The following PCDHA4 variants were observed in gnomAD, a reference collection of about 807,000 sequenced individuals.
PCDHA4 encodes the protein protocadherin alpha 4.
PCDHA4 carries 49 observed loss-of-function variants against 61.4 expected under a neutral mutation model. The ratio of observed to expected loss-of-function variants is 0.80; its 90% CI spans 0.63 to 1.01. The LOEUF (loss-of-function observed/expected upper bound fraction) is 1.01. PCDHA4 is among the 50% of genes least tolerant of loss of function. The probability of loss-of-function intolerance (pLI) is 0.00; values close to 1 mark genes in which losing one functional copy is unlikely to be tolerated. For missense variants in PCDHA4, 1,254 were observed against 1,235.8 expected, an observed-to-expected ratio of 1.01 and a Z score of -0.22; for synonymous variants, 590 against 550.3, an observed-to-expected ratio of 1.07 and a Z score of -1.01.
chr5:140,969,781 A>G (rs1017019880), intron 1 of PCDHA4, among the ~76,000 whole-genome samples: 3 of 152,336 alleles, frequency 2.0e-5, no homozygotes, highest in East Asian at 1.9e-4. Flanking sequence ...AGGGGCTATC[A>G]TAGTCACCAC....
intron 1 of PCDHA4, chr5:140,850,107 C>G (rs2150467518): frequency 6.3e-7 from 1 of 1,596,166 alleles, no homozygotes; most frequent in East Asian, 2.2e-5. Context: ...GGTGAGCGCG[C>G]GCGACGCGGG....
intron 1 of PCDHA4, among the ~76,000 whole-genome samples, chr5:140,819,573 A>C (rs1194033373): frequency 6.6e-6 from 1 of 152,184 alleles, no homozygotes; most frequent in Non-Finnish European, 1.5e-5. Context: ...GCTTAGAAGA[A>C]GATTTTTTAA....
chr5:140,941,191 T>TTTTTCTTTCTTTC lies in PCDHA4; in HGVS notation c.2386-37755_2386-37754insTCTTTCTTTCTTT, dbSNP rs1554213809. On this transcript the variant is annotated intron_variant, in intron 1 of 3. Transcript: ENST00000530339. ...CATCTTGAACATCCTGCTTCTTTTT[T>TTTTTCTTTCTTTC]TTTCTTTCTTCCTTTCTTTCTTCCT... Among the ~76,000 whole-genome samples the TTTTTCTTTCTTTC allele has an allele frequency of 1.3e-4, 12 of 93,256 alleles. No individual in the cohort carries two copies. In the East Asian group the frequency reaches 2.9e-3, roughly 23 times the overall value. 61.2% of individuals were successfully genotyped at this position (93,256 alleles called of 152,430 possible). A position where few individuals can be genotyped will look rare whatever the true frequency, so the allele number is the denominator to read the frequency against.
At chr5:140,915,772 G>A (rs1282338375) in intron 1 of PCDHA4, among the ~76,000 whole-genome samples, 1 of 151,950 alleles carries the variant, frequency 6.6e-6, no homozygotes, top group East Asian at 1.9e-4. Flanking sequence ...CTTGTCCAAG[G>A]CCTGCTGTAA....
rs2150130376 is a variant in PCDHA4 at position 140,823,924 on chromosome 5, TAC to T, written c.2385+14355_2385+14356del. On this transcript the variant is annotated intron_variant, in intron 1 of 3. Transcript: ENST00000530339. ...CCTGCTGGTGCTCACGCTGCTGCTG[TAC>T]ACCGCGCTGCGGTGCTCGGCGCAGC... 1.8e-5 allele frequency: 29 copies of T among 1,613,852 alleles called. No homozygotes were observed. The Admixed American group carries it at 4.8e-4, about 27-fold the overall frequency.
chr5:140,982,722 T>G, intron 3 of PCDHA4, 159 bp downstream of exon 3: 1 of 913,304 alleles, frequency 1.1e-6, no homozygotes, highest in African/African-American at 1.8e-5. Flanking sequence ...TATGATTATT[T>G]TGATTTTATA....
At chr5:140,823,740 GC>G in intron 1 of PCDHA4, 1 of 1,613,846 alleles carries the variant, frequency 6.2e-7, no homozygotes, top group Non-Finnish European at 8.5e-7. Flanking sequence ...ACCATGGAGA[GC>G]CCCCGCTGAC....
intron 1 of PCDHA4, among the ~76,000 whole-genome samples, chr5:140,905,903 G>A (rs2072195312): frequency 6.6e-6 from 1 of 152,184 alleles, no homozygotes; most frequent in African/African-American, 2.4e-5. Flanking sequence ...AAGCTGAGGA[G>A]CAAGGAATCC....
At chr5:140,815,995 C>T (rs1246800642) in intron 1 of PCDHA4, 1 of 152,110 alleles carries the variant, frequency 6.6e-6, no homozygotes, top group Non-Finnish European at 1.5e-5. Flanking sequence ...TTTTCTTTTG[C>T]TGCTTTCTAA....
At chr5:140,975,553 G>T (rs990389718) in intron 1 of PCDHA4, among the ~76,000 whole-genome samples, 2 of 152,226 alleles carry the variant, frequency 1.3e-5, no homozygotes, top group Non-Finnish European at 2.9e-5. Context: ...TATTAGGAAG[G>T]AAAAGGAGAT....
chr5:140,928,697 G>A (rs1554206190), intron 1 of PCDHA4: 1 of 1,614,122 alleles, frequency 6.2e-7, no homozygotes, highest in Non-Finnish European at 8.5e-7. Context: ...CACATCTCCC[G>A]GGCGTCTGAC....
At chr5:140,836,744 T>A in intron 1 of PCDHA4, 1 of 1,588,470 alleles carries the variant, frequency 6.3e-7, no homozygotes, top group Non-Finnish European at 8.5e-7. Context: ...ACAATGTGAG[T>A]CATAAATAAT....
At chr5:140,915,732 G>A (rs1454734995) in intron 1 of PCDHA4, among the ~76,000 whole-genome samples, 2 of 151,870 alleles carry the variant, frequency 1.3e-5, no homozygotes, top group East Asian at 3.9e-4. Flanking sequence ...ATTGTGCTGG[G>A]TCAGACCTAT....
chr5:140,835,781 G>C (rs1447627598), intron 1 of PCDHA4: 3 of 1,613,162 alleles, frequency 1.9e-6, no homozygotes, highest in Non-Finnish European at 2.5e-6. Context: ...TCGTGAAGGA[G>C]AACAACCCGC....
intron 1 of PCDHA4, among the ~76,000 whole-genome samples, chr5:140,904,056 G>A (rs1474308111): frequency 6.6e-6 from 1 of 151,944 alleles, no homozygotes; most frequent in Non-Finnish European, 1.5e-5. Context: ...TATTTCAATG[G>A]GTTTTTGGGG....
At chr5:140,826,372 A>G (rs1554130542) in intron 1 of PCDHA4, among the ~76,000 whole-genome samples, 1 of 152,228 alleles carries the variant, frequency 6.6e-6, no homozygotes, top group Admixed American at 6.5e-5. Flanking sequence ...TGCAATAGAA[A>G]GTCAGTGATA....
At chr5:140,880,512 C>T (rs1296325164) in intron 1 of PCDHA4, among the ~76,000 whole-genome samples, 4 of 152,314 alleles carry the variant, frequency 2.6e-5, no homozygotes, top group South Asian at 4.1e-4. Flanking sequence ...TGTTTGGTCA[C>T]ATCTCTCAAT....
At chr5:140,988,856 C>G (rs1363693153) in intron 3 of PCDHA4, 1 of 152,180 alleles carries the variant, frequency 6.6e-6, no homozygotes, top group African/African-American at 2.4e-5. Context: ...CCTATCCAGT[C>G]TCATGTGCAC....
At position 140,836,457 on chromosome 5, in the gene PCDHA4, G is replaced by T. The variant is rs2150261358; in HGVS notation, c.2385+26885G>T. The stretch of plus-strand genomic sequence containing the variant: ...GTTGGGCATTGCAGGCCCAGAGACC[G>T]AGCTGGTGGATGTCAACGTGTACCT... On this transcript the variant is annotated intron_variant, in intron 1 of 3. Coordinates refer to ENST00000530339, the MANE Select transcript of PCDHA4 (RefSeq NM_018907.4). The T allele has an allele frequency of 1.5e-5, 25 of 1,613,812 alleles. No homozygotes were observed. The African/African-American group carries it at 3.1e-4, about 20-fold the overall frequency.
Sources: allele counts gnomAD v4.1 joint callset (sites outside exome capture counted in the v4.1 genomes callset), GRCh38; gene constraint gnomAD v4.1.1; transcripts MANE v1.5; gene names NCBI Gene and HGNC (gene_info 2026-07-23, HGNC 2026-07-21).